Variants in ADGRV1 observed in about 807,000 individuals in gnomAD.
ADGRV1 encodes G-protein coupled receptor 98.
Under a neutral mutation model 596.2 loss-of-function variants are expected in ADGRV1, and 359 were observed. The ratio of observed to expected loss-of-function variants is 0.60; its 90% CI spans 0.55 to 0.66. The LOEUF (loss-of-function observed/expected upper bound fraction) is 0.66, where lower values mean the gene tolerates loss of function less well. ADGRV1 is among the 30% of genes least tolerant of loss of function. ADGRV1 has a pLI of 0.00. For missense variants in ADGRV1, 7,274 were observed against 7,575.6 expected (o/e 0.96, Z 1.48); for synonymous variants, 2,681 against 2,679.2 (o/e 1.00, Z -0.02).
At chr5:90,886,781 A>G (rs149327596) in intron 83 of ADGRV1, among the ~76,000 whole-genome samples, 2 of 152,172 alleles carry the variant, frequency 1.3e-5, no homozygotes, top group African/African-American at 4.8e-5. Context: ...GCCATCATTC[A>G]CAGAGTTTCT....
chr5:90,720,801 T>C, intron 44 of ADGRV1, 134 bp from the exon 45 acceptor site: 1 of 605,010 alleles, frequency 1.7e-6, no homozygotes, highest in East Asian at 3.5e-5. Flanking sequence ...TGATTTTTAG[T>C]ATTTTCTTAT....
intron 1 of ADGRV1, among the ~76,000 whole-genome samples, chr5:90,585,245 A>G (rs188681999): frequency 1.4e-3 from 216 of 152,344 alleles, no homozygotes; most frequent in African/African-American, 5.0e-3. Flanking sequence ...ATTCAAGGGT[A>G]AAATCTGAGA....
chr5:90,935,248 G>T (rs551056945), intron 83 of ADGRV1, among the ~76,000 whole-genome samples: 3 of 152,174 alleles, frequency 2.0e-5, no homozygotes, highest in Non-Finnish European at 4.4e-5. Flanking sequence ...AAATTAGATT[G>T]TTCAGCTCTA....
chr5:90,736,178 A>G (rs968430258), intron 50 of ADGRV1, among the ~76,000 whole-genome samples: 4 of 151,922 alleles, frequency 2.6e-5, no homozygotes, highest in Admixed American at 6.6e-5. Flanking sequence ...GAGAGCTTTT[A>G]TCATGAAAGG....
rs370069614 is a variant in ADGRV1 at position 91,071,977 on chromosome 5, T to A, written c.18153-470T>A. The stretch of plus-strand genomic sequence containing the variant: ...CAGGCATGAACCACTGCACCCCGCC[T>A]ATAATCCTTATTTTAAAGATGAGAG... On this transcript the variant is annotated intron_variant, in intron 85 of 89. Coordinates refer to ENST00000405460, the MANE Select transcript of ADGRV1 (RefSeq NM_032119.4). Among the ~76,000 whole-genome samples the A allele has an allele frequency of 1.2e-4, 18 of 152,210 alleles. No homozygotes were observed. In the East Asian group the frequency reaches 3.5e-3, roughly 29 times the overall value.
intron 83 of ADGRV1, among the ~76,000 whole-genome samples, chr5:90,940,941 C>T (rs990379193): frequency 2.6e-5 from 4 of 152,164 alleles, no homozygotes; most frequent in African/African-American, 9.7e-5. Flanking sequence ...GAAGGAGACA[C>T]AGAAGTAGCT....
chr5:90,755,091 A>C lies in ADGRV1; in HGVS notation c.11486A>C (p.Gln3829Pro). 1 of 1,609,834 alleles carries C rather than the reference A, an allele frequency of 6.2e-7. No individual in the cohort carries two copies. The highest frequency in any genetic ancestry group is 8.5e-7 in the Non-Finnish European group (1 of 1,176,238). ...QPNFLLHVDN[Q>P]ATENEDYVLQ... is the part of the protein sequence containing the mutation. ...AATTTCTTACTGCATGTCGATAATC[A>C]AGCTACTGAGAATGAAGATTATGTA... The change falls in exon 55 of 90, where the codon CAA becomes CCA. Residue 3829 changes from glutamine to proline, a missense_variant. By Grantham distance (76) the Gln-to-Pro change is moderately conservative. Around this residue, in one of 5 missense-constraint regions of ADGRV1, gnomAD observed 3,643 missense variants for 3,809.2 expected, o/e 0.96. Coordinates refer to ENST00000405460, the MANE Select transcript of ADGRV1 (RefSeq NM_032119.4).
chr5:91,140,002 C>T (rs771457319), intron 87 of ADGRV1, among the ~76,000 whole-genome samples: 1 of 152,184 alleles, frequency 6.6e-6, no homozygotes, highest in Non-Finnish European at 1.5e-5. Context: ...CTGTTCATGT[C>T]CTCCAGCTGT....
intron 55 of ADGRV1, 67 bp downstream of exon 55, chr5:90,755,252 C>A: frequency 2.0e-6 from 2 of 1,017,090 alleles, no homozygotes; most frequent in Non-Finnish European, 2.8e-6. Flanking sequence ...AATTGTGATG[C>A]TCTTGTAAGT....
chr5:90,792,269 G>A (rs778195928), intron 70 of ADGRV1: 1 of 152,188 alleles, frequency 6.6e-6, no homozygotes, highest in Non-Finnish European at 1.5e-5. Flanking sequence ...GCATTTGGGT[G>A]CTGCTTTCAT....
At chr5:90,882,751 AAAC>A (rs1360692697) in intron 83 of ADGRV1, among the ~76,000 whole-genome samples, 2 of 152,230 alleles carry the variant, frequency 1.3e-5, no homozygotes, top group Non-Finnish European at 2.9e-5. Context: ...GGAAGATGAG[AAAC>A]AACATCCAAA....
At chr5:90,764,942 C>G (rs1756935570) in intron 59 of ADGRV1, among the ~76,000 whole-genome samples, 1 of 152,134 alleles carries the variant, frequency 6.6e-6, no homozygotes, top group Admixed American at 6.6e-5. Context: ...TCTTGGGTCA[C>G]TAGCACAGAG....
intron 73 of ADGRV1, among the ~76,000 whole-genome samples, chr5:90,808,183 A>G (rs1055852305): frequency 2.0e-5 from 3 of 152,242 alleles, no homozygotes. Flanking sequence ...TTTACTATGT[A>G]TCTATAATGA....
intron 87 of ADGRV1, among the ~76,000 whole-genome samples, chr5:91,111,112 A>G (rs2126693337): frequency 6.6e-6 from 1 of 152,338 alleles, no homozygotes; most frequent in Non-Finnish European, 1.5e-5. Context: ...ATTGAAAGAT[A>G]GCAACAGTTT....
intron 35 of ADGRV1, 83 bp from the exon 36 acceptor site, chr5:90,704,306 T>A: frequency 1.2e-6 from 1 of 853,064 alleles, no homozygotes; most frequent in Non-Finnish European, 1.8e-6. Flanking sequence ...GCCTGCACAA[T>A]TTATAAGGTG....
chr5:90,751,637 G>C (rs1755264914), intron 53 of ADGRV1, among the ~76,000 whole-genome samples: 2 of 152,136 alleles, frequency 1.3e-5, no homozygotes, highest in Non-Finnish European at 2.9e-5. Context: ...TTGTCTTCTT[G>C]GCTTGCCTTT....
At chr5:90,588,231 A>G (rs1382322540) in intron 1 of ADGRV1, among the ~76,000 whole-genome samples, 1 of 152,228 alleles carries the variant, frequency 6.6e-6, no homozygotes, top group Non-Finnish European at 1.5e-5. Flanking sequence ...CCTAGTAGAA[A>G]TGATTATCTA....
At position 91,151,106 on chromosome 5, in the gene ADGRV1, T is replaced by C. The variant is rs1181506023; in HGVS notation, c.18624+885T>C. On this transcript the variant is annotated intron_variant, in intron 88 of 89. Coordinates refer to ENST00000405460, the MANE Select transcript of ADGRV1 (RefSeq NM_032119.4). ...AAAAATGGCAGGAAATCAAGGTACA[T>C]CTGTCTGAAAAGGAAACAGTTTATA... is the stretch of plus-strand genomic sequence containing the variant. Among the ~76,000 whole-genome samples the C allele has an allele frequency of 2.0e-5, 3 of 152,324 alleles. No individual in the cohort carries two copies. In the East Asian group the frequency reaches 5.8e-4, roughly 29 times the overall value.
intron 87 of ADGRV1, among the ~76,000 whole-genome samples, chr5:91,118,169 G>A (rs1793012084): frequency 6.6e-6 from 1 of 152,098 alleles, no homozygotes; most frequent in African/African-American, 2.4e-5. Context: ...GTCTCTTCAG[G>A]TTCTTCATAT....
Sources: allele counts gnomAD v4.1 joint callset (sites outside exome capture counted in the v4.1 genomes callset), GRCh38; gene constraint gnomAD v4.1.1; regional missense constraint gnomAD v4.1.1; transcripts MANE v1.5; gene names NCBI Gene and HGNC (gene_info 2026-07-23, HGNC 2026-07-21).